Variants in RALYL observed in about 807,000 individuals in gnomAD.
RALYL encodes the protein RALY RNA binding protein like.
In RALYL, 29 loss-of-function variants were observed where a neutral mutation model predicts 35.1. The ratio of observed to expected loss-of-function variants is 0.83; its 90% CI spans 0.61 to 1.13. The LOEUF (loss-of-function observed/expected upper bound fraction) is 1.13, where lower values mean the gene tolerates loss of function less well. Among genes scored for constraint, RALYL ranks in the 50% most tolerant of loss-of-function variants. The pLI, the probability that RALYL is intolerant of heterozygous loss-of-function variation, is 0.00. For synonymous variants in RALYL, 120 were observed against 127.6 expected (o/e 0.94, Z 0.40); for missense variants, 359 against 360.4 (o/e 1.00, Z 0.03).
rs370777131 is a variant in RALYL, at chr8:84,347,618, T to C, written c.-24+163194T>C. ...CGTCTCTCAAACTAGTTTTGCCCATTGCTTCACCTTGGTTCTAATCCAGGG... is the reference window on the plus strand; with the variant it reads ...CGTCTCTCAAACTAGTTTTGCCCATCGCTTCACCTTGGTTCTAATCCAGGG... On this transcript the variant is annotated intron_variant, in intron 1 of 8. Coordinates refer to ENST00000521268, the MANE Select transcript of RALYL (RefSeq NM_173848.7). Among the ~76,000 whole-genome samples, 165 of 152,250 alleles carry C rather than the reference T, an allele frequency of 1.1e-3. 5 individuals are homozygous for C. In the South Asian group the frequency reaches 0.033, roughly 30 times the overall value.
At chr8:84,874,306 C>G (rs373020590) in intron 7 of RALYL, among the ~76,000 whole-genome samples, 1 of 152,118 alleles carries the variant, frequency 6.6e-6, no homozygotes, top group East Asian at 1.9e-4. Flanking sequence ...AGTGTGAAAG[C>G]CCTTGATAAA....
chr8:84,749,400 C>T (rs1476881369), intron 2 of RALYL, among the ~76,000 whole-genome samples: 1 of 152,102 alleles, frequency 6.6e-6, no homozygotes, highest in Admixed American at 6.6e-5. Context: ...CCTTTTGAGT[C>T]TAGTATTCAT....
At chr8:84,800,324 T>A (rs886691130) in intron 3 of RALYL, among the ~76,000 whole-genome samples, 15 of 152,250 alleles carry the variant, frequency 9.9e-5, no homozygotes, top group African/African-American at 3.4e-4. Context: ...TCTTTTGGTC[T>A]CAGTTTCCTC....
intron 2 of RALYL, among the ~76,000 whole-genome samples, chr8:84,532,235 G>GTTT (rs995266561): frequency 2.0e-5 from 3 of 151,870 alleles, no homozygotes; most frequent in African/African-American, 7.2e-5. Context: ...TTGTTTGTTT[G>GTTT]TTTGTTTTTT....
chr8:84,285,902 A>G (rs891919792), intron 1 of RALYL, among the ~76,000 whole-genome samples: 9 of 152,098 alleles, frequency 5.9e-5, no homozygotes, highest in African/African-American at 1.9e-4. Context: ...ACATGATTTG[A>G]TTTATAGTTT....
chr8:84,638,848 T>C (rs1002434794), intron 2 of RALYL, among the ~76,000 whole-genome samples: 10 of 109,384 alleles, frequency 9.1e-5, no homozygotes, highest in African/African-American at 1.9e-4. Context: ...ATAACAGAAA[T>C]ACGAGTATCT....
At chr8:84,200,454 A>C (rs1277617252) in intron 1 of RALYL, among the ~76,000 whole-genome samples, 1 of 152,166 alleles carries the variant, frequency 6.6e-6, no homozygotes, top group East Asian at 1.9e-4. Context: ...TATTTTATAT[A>C]GATTTTCATT....
chr8:84,490,550 C>A (rs2055170610), intron 1 of RALYL, among the ~76,000 whole-genome samples: 1 of 151,784 alleles, frequency 6.6e-6, no homozygotes, highest in Non-Finnish European at 1.5e-5. Context: ...TGAGAATAGA[C>A]AAAACTGTTA....
At chr8:84,369,681 A>G (rs543635633) in intron 1 of RALYL, among the ~76,000 whole-genome samples, 6 of 152,156 alleles carry the variant, frequency 3.9e-5, no homozygotes, top group African/African-American at 1.4e-4. Context: ...AACTAGCTGA[A>G]TTACTTATTC....
At chr8:84,433,956 C>T (rs899214060) in intron 1 of RALYL, among the ~76,000 whole-genome samples, 1 of 151,882 alleles carries the variant, frequency 6.6e-6, no homozygotes, top group African/African-American at 2.4e-5. Context: ...AATTGGTCAG[C>T]TTAATGATGT....
chr8:84,239,164 A>G (rs1827295008), intron 1 of RALYL, among the ~76,000 whole-genome samples: 1 of 152,182 alleles, frequency 6.6e-6, no homozygotes, highest in Non-Finnish European at 1.5e-5. Context: ...CATGGTTAGT[A>G]GGTATACAGA....
intron 1 of RALYL, among the ~76,000 whole-genome samples, chr8:84,264,084 T>A (rs1242909304): frequency 6.6e-6 from 1 of 152,218 alleles, no homozygotes; most frequent in African/African-American, 2.4e-5. Context: ...TATGCATGCA[T>A]GTATCTTTGT....
chr8:84,557,277 T>C (rs182581447), intron 2 of RALYL, among the ~76,000 whole-genome samples: 6 of 152,336 alleles, frequency 3.9e-5, no homozygotes, highest in Admixed American at 3.9e-4. Context: ...TTTTTATAAA[T>C]AATCCTGGGA....
chr8:84,290,239 C>T (rs1838494130), intron 1 of RALYL, among the ~76,000 whole-genome samples: 1 of 152,138 alleles, frequency 6.6e-6, no homozygotes, highest in African/African-American at 2.4e-5. Flanking sequence ...TCCATATCTT[C>T]CATGTTTTAA....
chr8:84,662,514 T>C (rs1831130189), intron 2 of RALYL, among the ~76,000 whole-genome samples: 3 of 152,154 alleles, frequency 2.0e-5, no homozygotes, highest in Admixed American at 1.3e-4. Flanking sequence ...TACATACACA[T>C]GATGAGAGGC....
intron 1 of RALYL, among the ~76,000 whole-genome samples, chr8:84,460,446 T>A (rs1439697150): frequency 6.6e-6 from 1 of 151,672 alleles, no homozygotes; most frequent in African/African-American, 2.4e-5. Context: ...CTTAGGCTTA[T>A]TATGGTGCAT....
chr8:84,504,771 C>T (rs2057018802), intron 1 of RALYL, among the ~76,000 whole-genome samples: 1 of 152,026 alleles, frequency 6.6e-6, no homozygotes, highest in Non-Finnish European at 1.5e-5. Flanking sequence ...TTGAGACACA[C>T]AGATGGACAC....
At chr8:84,428,969 C>T (rs1449755142) in intron 1 of RALYL, among the ~76,000 whole-genome samples, 2 of 152,016 alleles carry the variant, frequency 1.3e-5, no homozygotes, top group Non-Finnish European at 2.9e-5. Context: ...TTTATACATA[C>T]CCTAGGATTT....
At chr8:84,784,606 G>A (rs1031457058) in intron 3 of RALYL, among the ~76,000 whole-genome samples, 1 of 152,088 alleles carries the variant, frequency 6.6e-6, no homozygotes, top group Non-Finnish European at 1.5e-5. Context: ...GTAGAAAAGT[G>A]GCTTATAGGT....
Sources: allele counts gnomAD v4.1 joint callset (sites outside exome capture counted in the v4.1 genomes callset), GRCh38; gene constraint gnomAD v4.1.1; transcripts MANE v1.5; gene names NCBI Gene and HGNC (gene_info 2026-07-23, HGNC 2026-07-21).